RGS7: variants seen among roughly 807,000 people sequenced by gnomAD.
The protein encoded by RGS7 is regulator of G protein signaling 7.
In RGS7, 27 loss-of-function variants were observed where a neutral mutation model predicts 81.1. The ratio of observed to expected loss-of-function variants is 0.33; its 90% CI spans 0.25 to 0.46. The LOEUF (loss-of-function observed/expected upper bound fraction) is 0.46. Among genes scored for constraint, RGS7 ranks in the 20% least tolerant of loss-of-function variants. The probability of loss-of-function intolerance (pLI) is 1.00; values close to 1 mark genes in which losing one functional copy is unlikely to be tolerated. For missense variants in RGS7, 396 were observed against 607.4 expected, an observed-to-expected ratio of 0.65 and a Z score of 3.66; for synonymous variants, 208 against 207.7, an observed-to-expected ratio of 1.00 and a Z score of -0.01.
At chr1:240,821,474 T>C (rs932183615) in intron 10 of RGS7, among the ~76,000 whole-genome samples, 3 of 152,154 alleles carry the variant, frequency 2.0e-5, no homozygotes, top group Non-Finnish European at 1.5e-5. Context: ...AACTCCCCTC[T>C]TTATTCATTT....
intron 2 of RGS7, among the ~76,000 whole-genome samples, chr1:241,322,245 T>C (rs1158348937): frequency 2.0e-5 from 3 of 152,210 alleles, no homozygotes; most frequent in Admixed American, 2.0e-4. Context: ...TATAAGTAAC[T>C]GTTGTTAGCA....
Position 241,005,931 on chromosome 1 carries a change from G to C in RGS7, c.176-22802C>G, listed in dbSNP as rs888893156. On this transcript the variant is annotated intron_variant, in intron 3 of 18. Transcript: ENST00000440928. ...AGTTGCTGAGTCACTTCCACTGTAT[G>C]AATCTACTACAATTTGTATATAGAC... Among the ~76,000 whole-genome samples the C allele has an allele frequency of 3.3e-5, 5 of 152,304 alleles. No individual in the cohort carries two copies. In the East Asian group the frequency reaches 9.6e-4, roughly 29 times the overall value.
chr1:240,985,826 T>C (rs1288741800), intron 3 of RGS7, among the ~76,000 whole-genome samples: 1 of 152,008 alleles, frequency 6.6e-6, no homozygotes, highest in African/African-American at 2.4e-5. Flanking sequence ...ACCAGAAGAC[T>C]GAAAGAGAAA....
rs142985279 is a variant in RGS7 at position 241,298,902 on chromosome 1, A to G, written c.78+56797T>C. Among the ~76,000 whole-genome samples, 79 of 152,326 alleles carry G rather than the reference A, an allele frequency of 5.2e-4. 1 individual carries two copies. The highest frequency in any genetic ancestry group is 1.8e-3 in the African/African-American group (76 of 41,566). ...TTTCCACAGTATTTTGACTATCTCA[A>G]GATAAGCTTCTAGAGAAAAAAAATA... On this transcript the variant is annotated intron_variant, in intron 2 of 18. Coordinates refer to ENST00000440928, the MANE Select transcript of RGS7 (RefSeq NM_001364886.1).
At chr1:240,908,237 T>C (rs934858508) in intron 6 of RGS7, among the ~76,000 whole-genome samples, 3 of 147,850 alleles carry the variant, frequency 2.0e-5, no homozygotes, top group Non-Finnish European at 4.5e-5. Context: ...TTAGGAGAGA[T>C]ACCTAATGTA....
intron 2 of RGS7, among the ~76,000 whole-genome samples, chr1:241,170,821 T>C (rs904634102): frequency 2.0e-5 from 3 of 150,910 alleles, no homozygotes; most frequent in African/African-American, 7.5e-5. Flanking sequence ...GGTAAACCAA[T>C]AGTATTCTTA....
intron 2 of RGS7, among the ~76,000 whole-genome samples, chr1:241,111,947 T>C (rs1401687088): frequency 1.3e-5 from 2 of 152,232 alleles, no homozygotes; most frequent in Non-Finnish European, 2.9e-5. Flanking sequence ...GAGTATCATG[T>C]AGGTGATTCT....
At chr1:240,878,661 A>G (rs1184441711) in intron 6 of RGS7, among the ~76,000 whole-genome samples, 3 of 152,026 alleles carry the variant, frequency 2.0e-5, no homozygotes, top group Non-Finnish European at 4.4e-5. Context: ...GTTTTGGGGG[A>G]AAAGTTTACT....
At chr1:241,100,332 G>A (rs371135530) in intron 2 of RGS7, among the ~76,000 whole-genome samples, 84 of 133,810 alleles carry the variant, frequency 6.3e-4, no homozygotes, top group African/African-American at 2.0e-3. Context: ...CCGAGATGGC[G>A]CCACTGCACT....
Position 241,037,134 on chromosome 1 carries a change from G to A in RGS7, c.176-54005C>T, listed in dbSNP as rs79788364. Among the ~76,000 whole-genome samples, 612 of 152,260 alleles carry A rather than the reference G, an allele frequency of 4.0e-3. 5 individuals carry two copies. The highest frequency in any genetic ancestry group is 0.014 in the African/African-American group (588 of 41,548). On this transcript the variant is annotated intron_variant, in intron 3 of 18. Transcript: ENST00000440928. ...AACATGGACATTATTATCTTGAAGT[G>A]GAATGTTGCTCTAATAAAAGCCTTC... is the stretch of plus-strand genomic sequence containing the variant.
At chr1:241,148,458 G>A (rs959023489) in intron 2 of RGS7, among the ~76,000 whole-genome samples, 2 of 152,188 alleles carry the variant, frequency 1.3e-5, no homozygotes, top group Admixed American at 1.3e-4. Context: ...CCTTATGTAT[G>A]TCTTTCTAAA....
chr1:241,288,083 T>G (rs181407597), intron 2 of RGS7, among the ~76,000 whole-genome samples: 66 of 152,292 alleles, frequency 4.3e-4, no homozygotes, highest in African/African-American at 9.6e-4. Flanking sequence ...GCAAATCAAT[T>G]AACATTTTAT....
intron 14 of RGS7, among the ~76,000 whole-genome samples, chr1:240,808,479 C>T (rs1201689017): frequency 6.6e-6 from 1 of 152,174 alleles, no homozygotes; most frequent in Non-Finnish European, 1.5e-5. Flanking sequence ...ATTTAATTCC[C>T]ACAGTAATTC....
chr1:241,189,300 C>T (rs929102762), intron 2 of RGS7, among the ~76,000 whole-genome samples: 12 of 152,038 alleles, frequency 7.9e-5, no homozygotes, highest in Non-Finnish European at 1.8e-4. Context: ...TTTTTATGTG[C>T]TTATTTGCTA....
At chr1:241,015,558 C>T (rs1258585443) in intron 3 of RGS7, among the ~76,000 whole-genome samples, 1 of 152,126 alleles carries the variant, frequency 6.6e-6, no homozygotes, top group Non-Finnish European at 1.5e-5. Context: ...TTTGCTCCCC[C>T]AAAAGTTTAC....
intron 18 of RGS7, among the ~76,000 whole-genome samples, chr1:240,781,236 A>G (rs567761050): frequency 6.6e-6 from 1 of 152,366 alleles, no homozygotes; most frequent in Non-Finnish European, 1.5e-5. Context: ...ACAGGCCCAC[A>G]GTAAACCTGG....
chr1:241,239,278 TAA>T (rs2076154126), intron 2 of RGS7, among the ~76,000 whole-genome samples: 1 of 152,136 alleles, frequency 6.6e-6, no homozygotes, highest in Non-Finnish European at 1.5e-5. Context: ...TCCCTCTCTC[TAA>T]CTCTTAATCC....
At chr1:240,914,316 C>T (rs261793) in intron 6 of RGS7, among the ~76,000 whole-genome samples, 87,509 of 151,998 alleles carry the variant, frequency 0.58, 25,738 homozygotes, top group Middle Eastern at 0.71. Flanking sequence ...TAAATACAAT[C>T]TTATTTTATT....
chr1:241,317,460 A>G (rs2080949158), intron 2 of RGS7, among the ~76,000 whole-genome samples: 1 of 152,126 alleles, frequency 6.6e-6, no homozygotes, highest in Non-Finnish European at 1.5e-5. Flanking sequence ...TGGGGAAAGG[A>G]CCTTACCCTT....
Sources: allele counts gnomAD v4.1 joint callset (sites outside exome capture counted in the v4.1 genomes callset), GRCh38; gene constraint gnomAD v4.1.1; transcripts MANE v1.5; gene names NCBI Gene and HGNC (gene_info 2026-07-23, HGNC 2026-07-21).